Variants in KCND2 observed in about 807,000 individuals in gnomAD.
The protein encoded by KCND2 is A-type voltage-gated potassium channel KCND2.
Under a neutral mutation model 54.4 loss-of-function variants are expected in KCND2, and 16 were observed. That is an observed-to-expected ratio of 0.29 (90% CI 0.20 to 0.45). The LOEUF (loss-of-function observed/expected upper bound fraction) is 0.45. Ranked by LOEUF, KCND2 falls within the 20% of genes least tolerant of loss-of-function variation. KCND2 has a pLI of 1.00. For missense variants in KCND2, 486 were observed against 824.2 expected, an observed-to-expected ratio of 0.59 and a Z score of 5.02; for synonymous variants, 317 against 310.7, an observed-to-expected ratio of 1.02 and a Z score of -0.21.
At chr7:120,535,161 G>A (rs73437869) in intron 1 of KCND2, among the ~76,000 whole-genome samples, 7,648 of 152,070 alleles carry the variant, frequency 0.05, 661 homozygotes, top group African/African-American at 0.17. Flanking sequence ...ATTCTGCTAC[G>A]GTTAAAGCAT....
At chr7:120,574,885 A>G (rs1048593487) in intron 1 of KCND2, among the ~76,000 whole-genome samples, 2 of 152,074 alleles carry the variant, frequency 1.3e-5, no homozygotes, top group Non-Finnish European at 2.9e-5. Context: ...ATTTTTTTCT[A>G]TGTAAACAAT....
In KCND2 at chr7:120,741,659, G is replaced by A. The variant is rs776700377; in HGVS notation, c.1374+30G>A. On this transcript the variant is annotated intron_variant, in intron 3 of 5. Transcript: ENST00000331113. ...AATCAATTACATCTCTTTTTTTAAT[G>A]TTCAATTTCTTGGTTTAATATTGAT... The A allele has an allele frequency of 3.4e-5, 50 of 1,461,404 alleles. No homozygotes were observed. The South Asian group carries it at 5.6e-4, about 16-fold the overall frequency. The allele number at this position is 1,461,404 out of a possible 1,614,324, so 90.5% of individuals were successfully genotyped here. A position where few individuals can be genotyped will look rare whatever the true frequency, so the allele number is the denominator to read the frequency against.
At chr7:120,298,907 C>T (rs868173638) in intron 1 of KCND2, among the ~76,000 whole-genome samples, 4 of 152,128 alleles carry the variant, frequency 2.6e-5, no homozygotes, top group Admixed American at 2.0e-4. Flanking sequence ...CCTTTAATCC[C>T]AGCACTTTGG....
Position 120,274,703 on chromosome 7 carries a change from CG to C in KCND2, c.75del (p.Pro26LeufsTer20). 6.2e-7 allele frequency: 1 copy of C among 1,613,838 alleles called. No individual in the cohort carries two copies. The highest frequency in any genetic ancestry group is 8.5e-7 in the Non-Finnish European group (1 of 1,179,958). On this transcript the variant is annotated frameshift_variant, in exon 1 of 6. Transcript: ENST00000331113. LOFTEE classifies it high-confidence loss of function. ...AAAIGWMPVA[S>X]GPMPAPPRQE... The stretch of plus-strand genomic sequence containing the variant: ...GCTATCGGGTGGATGCCTGTGGCCT[CG>C]GGGCCTATGCCGGCTCCCCCGAGGC...
chr7:120,349,135 C>T (rs1800365026), intron 1 of KCND2, among the ~76,000 whole-genome samples: 1 of 152,106 alleles, frequency 6.6e-6, no homozygotes, highest in Non-Finnish European at 1.5e-5. Context: ...TTGCAATTGC[C>T]ACTTTCTTAA....
intron 1 of KCND2, among the ~76,000 whole-genome samples, chr7:120,593,312 A>G (rs1419862608): frequency 6.6e-6 from 1 of 152,204 alleles, no homozygotes; most frequent in Non-Finnish European, 1.5e-5. Context: ...AGGGTAGAAC[A>G]ACCTCCTGAT....
At chr7:120,327,510 T>G (rs1799995832) in intron 1 of KCND2, among the ~76,000 whole-genome samples, 1 of 152,128 alleles carries the variant, frequency 6.6e-6, no homozygotes, top group Non-Finnish European at 1.5e-5. Context: ...TTCAACACTA[T>G]AGACAAAACC....
intron 1 of KCND2, among the ~76,000 whole-genome samples, chr7:120,455,029 A>G (rs1206140928): frequency 1.3e-5 from 2 of 152,232 alleles, no homozygotes; most frequent in Non-Finnish European, 2.9e-5. Context: ...GAAAGCAATC[A>G]GAGCCATCAA....
rs551732151 is a variant in KCND2, at chr7:120,534,662, A to G, written c.1116-198241A>G. ...GTCAATTTCTTAATTGTGACAACCT[A>G]TATACTATAGTAATATAAGATGCTG... On this transcript the variant is annotated intron_variant, in intron 1 of 5. Coordinates refer to ENST00000331113, the MANE Select transcript of KCND2 (RefSeq NM_012281.3). 2.1e-4 allele frequency among the ~76,000 whole-genome samples: 32 copies of G among 152,278 alleles called. No individual in the cohort carries two copies. In the South Asian group the frequency reaches 6.4e-3, roughly 31 times the overall value.
At chr7:120,325,953 C>G (rs912360168) in intron 1 of KCND2, among the ~76,000 whole-genome samples, 1 of 152,008 alleles carries the variant, frequency 6.6e-6, no homozygotes, top group Non-Finnish European at 1.5e-5. Context: ...AAATTAGGTA[C>G]ACTGGTTTTC....
At chr7:120,296,215 T>A (rs965003951) in intron 1 of KCND2, among the ~76,000 whole-genome samples, 2 of 152,086 alleles carry the variant, frequency 1.3e-5, no homozygotes, top group Non-Finnish European at 2.9e-5. Context: ...AAATTTTAAG[T>A]GTTGTATTTC....
intron 1 of KCND2, among the ~76,000 whole-genome samples, chr7:120,351,242 G>GTATATATA: frequency 2.1e-5 from 1 of 47,512 alleles, no homozygotes; most frequent in East Asian, 1.1e-3. Flanking sequence ...ATTTATATGT[G>GTATATATA]TGTATATATA....
chr7:120,373,182 C>T lies in KCND2; in HGVS notation c.1115+97435C>T, dbSNP rs527437507. On this transcript the variant is annotated intron_variant, in intron 1 of 5. Coordinates refer to ENST00000331113, the MANE Select transcript of KCND2 (RefSeq NM_012281.3). ...GGGATTATTTATATCCTGGCATTTC[C>T]TCATCTTGTTGCTTTCCTCTGATCT... Among the ~76,000 whole-genome samples, 16 of 151,884 alleles carry T rather than the reference C, an allele frequency of 1.1e-4. No homozygotes were observed. The South Asian group carries it at 3.3e-3, about 31-fold the overall frequency.
chr7:120,458,994 T>G (rs1802242134), intron 1 of KCND2, among the ~76,000 whole-genome samples: 1 of 151,850 alleles, frequency 6.6e-6, no homozygotes, highest in African/African-American at 2.4e-5. Context: ...TTATTATTAT[T>G]TTTATTACTT....
rs546588947 is a variant in KCND2, at chr7:120,353,221, A to G, written c.1115+77474A>G. On this transcript the variant is annotated intron_variant, in intron 1 of 5. Coordinates refer to ENST00000331113, the MANE Select transcript of KCND2 (RefSeq NM_012281.3). ...GGTTACTCATCTGGGAAGGGGTGAA[A>G]GTGGGAATTGAGACCCTGGCTGTGT... Among the ~76,000 whole-genome samples the G allele has an allele frequency of 4.1e-5, 6 of 147,928 alleles. No homozygotes were observed. The Admixed American group carries it at 4.1e-4, about 10-fold the overall frequency.
intron 1 of KCND2, among the ~76,000 whole-genome samples, chr7:120,426,093 C>A (rs1403760349): frequency 1.3e-5 from 2 of 151,920 alleles, no homozygotes; most frequent in Non-Finnish European, 2.9e-5. Flanking sequence ...AAGAAAATAT[C>A]TTCTAGGTCT....
At chr7:120,632,906 T>G (rs189313329) in intron 1 of KCND2, among the ~76,000 whole-genome samples, 1 of 152,180 alleles carries the variant, frequency 6.6e-6, no homozygotes, top group African/African-American at 2.4e-5. Flanking sequence ...CAAAGAAACA[T>G]GAGTAATCTC....
intron 1 of KCND2, among the ~76,000 whole-genome samples, chr7:120,666,592 A>C (rs1018597974): frequency 6.6e-6 from 1 of 151,906 alleles, no homozygotes; most frequent in Non-Finnish European, 1.5e-5. Context: ...GAATGTTGCT[A>C]TTTCTTTTTT....
chr7:120,575,767 A>G (rs935843093), intron 1 of KCND2, among the ~76,000 whole-genome samples: 2 of 152,122 alleles, frequency 1.3e-5, no homozygotes, highest in African/African-American at 4.8e-5. Context: ...ATGTCTGGCT[A>G]TGTTTGGTTT....
Sources: gnomAD v4.1 joint callset for allele counts (sites outside exome capture counted in the v4.1 genomes callset) on GRCh38, gnomAD v4.1.1 for gene constraint, MANE v1.5 for transcripts, NCBI Gene and HGNC (gene_info 2026-07-23, HGNC 2026-07-21) for gene names.